NKAIN2: variants seen among roughly 807,000 people sequenced by gnomAD.
NKAIN2 encodes the protein sodium/potassium-transporting ATPase subunit beta-1-interacting protein 2.
NKAIN2 carries 14 observed loss-of-function variants against 32.6 expected under a neutral mutation model. The observed-to-expected ratio is 0.43, with a 90% CI of 0.28 to 0.67. The LOEUF is 0.67. Among genes scored for constraint, NKAIN2 ranks in the 30% least tolerant of loss-of-function variants. The pLI, the probability that NKAIN2 is intolerant of heterozygous loss-of-function variation, is 0.17. For synonymous variants in NKAIN2, 80 were observed against 87.2 expected (o/e 0.92, Z 0.46); for missense variants, 198 against 258.3 (o/e 0.77, Z 1.60).
chr6:124,073,439 A>C (rs117836886), intron 1 of NKAIN2, among the ~76,000 whole-genome samples: 13 of 152,266 alleles, frequency 8.5e-5, no homozygotes, highest in Non-Finnish European at 1.5e-4. Context: ...TTATTGTATA[A>C]TTTATTAATG....
At position 124,162,958 on chromosome 6, in the gene NKAIN2, G is replaced by T. The variant is rs142505193; in HGVS notation, c.55-120047G>T. On this transcript the variant is annotated intron_variant, in intron 1 of 6. Transcript: ENST00000368417. ...AATAAATTTTACTATCCGATTCTGT[G>T]TGGAAGTTGTATATTATTTAGTTTA... Among the ~76,000 whole-genome samples the T allele has an allele frequency of 2.0e-5, 3 of 152,136 alleles. No homozygotes were observed. In the East Asian group the frequency reaches 5.8e-4, roughly 29 times the overall value.
intron 1 of NKAIN2, among the ~76,000 whole-genome samples, chr6:124,168,518 A>G (rs1273075249): frequency 6.6e-6 from 1 of 152,036 alleles, no homozygotes; most frequent in Non-Finnish European, 1.5e-5. Flanking sequence ...AAAATGCTAA[A>G]TATTAATATA....
At chr6:124,475,674 TTAA>T (rs1777167836) in intron 3 of NKAIN2, among the ~76,000 whole-genome samples, 1 of 152,144 alleles carries the variant, frequency 6.6e-6, no homozygotes, top group South Asian at 2.1e-4. Context: ...TCTCTGCATA[TTAA>T]TAATGACAGG....
chr6:124,082,571 A>C (rs1784023670), intron 1 of NKAIN2, among the ~76,000 whole-genome samples: 1 of 152,018 alleles, frequency 6.6e-6, no homozygotes, highest in Admixed American at 6.6e-5. Flanking sequence ...TTTTAAAAAA[A>C]CATTTAGAAC....
intron 2 of NKAIN2, among the ~76,000 whole-genome samples, chr6:124,299,986 T>A (rs1451163840): frequency 4.6e-5 from 7 of 152,200 alleles, no homozygotes; most frequent in African/African-American, 1.7e-4. Flanking sequence ...CTGGCATATC[T>A]CAAATCAGCT....
intron 1 of NKAIN2, among the ~76,000 whole-genome samples, chr6:124,178,965 G>C (rs1259337083): frequency 6.6e-6 from 1 of 152,208 alleles, no homozygotes; most frequent in Non-Finnish European, 1.5e-5. Context: ...ATGTGTAATT[G>C]TTTCAGATGT....
chr6:124,644,598 G>A (rs1784104185), intron 3 of NKAIN2, among the ~76,000 whole-genome samples: 1 of 152,056 alleles, frequency 6.6e-6, no homozygotes, highest in African/African-American at 2.4e-5. Context: ...TAGAGACGGG[G>A]TTTCACCATG....
intron 1 of NKAIN2, among the ~76,000 whole-genome samples, chr6:123,863,906 G>A (rs897305900): frequency 6.6e-6 from 1 of 151,990 alleles, no homozygotes; most frequent in African/African-American, 2.4e-5. Context: ...CAGTTATATG[G>A]CTGTCATGGA....
Position 124,549,850 on chromosome 6 carries a change from T to A in NKAIN2, c.274-108336T>A, listed in dbSNP as rs1283038146. On this transcript the variant is annotated intron_variant, in intron 3 of 6. Transcript: ENST00000368417. The stretch of plus-strand genomic sequence containing the variant: ...CCTCAGTGCTTCATATCAGGGGGTA[T>A]GTGGCATTGAAATGAATTCTTGGTA... 2.6e-5 allele frequency among the ~76,000 whole-genome samples: 4 copies of A among 152,188 alleles called. 1 individual carries two copies. The highest frequency in any genetic ancestry group is 4.8e-5 in the African/African-American group (2 of 41,456).
At chr6:124,652,329 T>C (rs780252606) in intron 3 of NKAIN2, among the ~76,000 whole-genome samples, 2 of 152,246 alleles carry the variant, frequency 1.3e-5, no homozygotes, top group Non-Finnish European at 2.9e-5. Flanking sequence ...TTAAGTAATC[T>C]ATATGAAGTT....
intron 1 of NKAIN2, among the ~76,000 whole-genome samples, chr6:123,951,387 G>A (rs1175294155): frequency 6.6e-6 from 1 of 151,888 alleles, no homozygotes; most frequent in Non-Finnish European, 1.5e-5. Context: ...TTGTATTAGA[G>A]TTTCTCTTTC....
intron 4 of NKAIN2, among the ~76,000 whole-genome samples, chr6:124,661,409 C>A (rs890878780): frequency 2.6e-5 from 4 of 152,150 alleles, no homozygotes; most frequent in Non-Finnish European, 5.9e-5. Context: ...TTGTCTCCAC[C>A]CTCATTCAGC....
chr6:124,338,092 T>C (rs1183013146), intron 2 of NKAIN2, among the ~76,000 whole-genome samples: 1 of 152,180 alleles, frequency 6.6e-6, no homozygotes, highest in African/African-American at 2.4e-5. Flanking sequence ...GGGAAAGGAC[T>C]CAACACTTTT....
At chr6:124,687,259 ATATTC>A (rs1773951478) in intron 4 of NKAIN2, among the ~76,000 whole-genome samples, 1 of 142,452 alleles carries the variant, frequency 7.0e-6, no homozygotes, top group African/African-American at 2.6e-5. Flanking sequence ...TTACCTATAT[ATATTC>A]TCTCTATATA....
rs1235589397 is a variant in NKAIN2 at position 123,804,111 on chromosome 6, G to A, written c.-90G>A. On this transcript the variant is annotated 5_prime_UTR_variant, in exon 1 of 7. The change creates a new upstream start codon in the 5' untranslated region. Transcript: ENST00000368417. ...GCCCCCGAGCCCTCGGCAGGTTTGCGTGTCCTTCCCCGCGATCTGATTGGA... is the reference window on the plus strand; with the variant it reads ...GCCCCCGAGCCCTCGGCAGGTTTGCATGTCCTTCCCCGCGATCTGATTGGA... 2.7e-5 allele frequency: 34 copies of A among 1,238,918 alleles called. No homozygotes were observed. The highest frequency in any genetic ancestry group is 1.5e-5 in the African/African-American group (1 of 67,540). 76.7% of individuals were successfully genotyped at this position (1,238,918 alleles called of 1,614,324 possible). A position where few individuals can be genotyped will look rare whatever the true frequency, so the allele number is the denominator to read the frequency against.
intron 1 of NKAIN2, among the ~76,000 whole-genome samples, chr6:123,905,541 A>G (rs1774822574): frequency 6.6e-6 from 1 of 152,138 alleles, no homozygotes; most frequent in Non-Finnish European, 1.5e-5. Context: ...GAACAAAAGC[A>G]TAGTTAGTAT....
rs571577450 is a variant in NKAIN2 at position 124,637,901 on chromosome 6, A to G, written c.274-20285A>G. On this transcript the variant is annotated intron_variant, in intron 3 of 6. Coordinates refer to ENST00000368417, the MANE Select transcript of NKAIN2 (RefSeq NM_001040214.3). ...ATCAATGACATTCTTCAAACAGCAA[A>G]AACAATTCTAATACTTGTATGGAAC... Among the ~76,000 whole-genome samples, 3 of 152,288 alleles carry G rather than the reference A, an allele frequency of 2.0e-5. No homozygotes were observed. The South Asian group carries it at 6.2e-4, about 32-fold the overall frequency.
intron 1 of NKAIN2, among the ~76,000 whole-genome samples, chr6:123,941,917 C>T (rs1466669154): frequency 6.6e-6 from 1 of 151,882 alleles, no homozygotes. Context: ...CCTTGGACTT[C>T]AGCTTCAGTT....
intron 1 of NKAIN2, among the ~76,000 whole-genome samples, chr6:123,805,917 G>C (rs566295904): frequency 6.6e-6 from 1 of 152,086 alleles, no homozygotes; most frequent in East Asian, 1.9e-4. Flanking sequence ...TAATATAATA[G>C]GGCTTTCTTA....
Sources: gnomAD v4.1 joint callset for allele counts (sites outside exome capture counted in the v4.1 genomes callset) on GRCh38, gnomAD v4.1.1 for gene constraint, MANE v1.5 for transcripts, NCBI Gene and HGNC (gene_info 2026-07-23, HGNC 2026-07-21) for gene names.